Variants in POLR3B observed in about 807,000 individuals in gnomAD.
The protein encoded by POLR3B is DNA-directed RNA polymerase III subunit RPC2.
Under a neutral mutation model 147.4 loss-of-function variants are expected in POLR3B, and 96 were observed. The ratio of observed to expected loss-of-function variants is 0.65; its 90% CI spans 0.55 to 0.77. The LOEUF is 0.77. POLR3B is among the 30% of genes least tolerant of loss of function. The pLI is 0.00. For synonymous variants in POLR3B, 461 were observed against 485.9 expected, an observed-to-expected ratio of 0.95 and a Z score of 0.67; for missense variants, 1,036 against 1,413.5, an observed-to-expected ratio of 0.73 and a Z score of 4.28.
At chr12:106,405,579 C>CACACACACACACAA (rs893279246) in intron 10 of POLR3B, among the ~76,000 whole-genome samples, 8 of 145,120 alleles carry the variant, frequency 5.5e-5, no homozygotes, top group Non-Finnish European at 9.1e-5. Context: ...CACACACACA[C>CACACACACACACAA]AAATATATTT....
intron 22 of POLR3B, among the ~76,000 whole-genome samples, chr12:106,462,914 T>G (rs1565904008): frequency 6.6e-6 from 1 of 152,090 alleles, no homozygotes; most frequent in Non-Finnish European, 1.5e-5. Flanking sequence ...GAGCCTCTCC[T>G]GTTCTTCATA....
rs1388870404 is a variant in POLR3B, at chr12:106,358,019, C to T, written c.72+68C>T. On this transcript the variant is annotated intron_variant, in intron 1 of 27. Transcript: ENST00000228347. ...CCCTGAGGGGGCGTTGCCCGGAGTGCTCGGGCCGCCAAGGGGGCGGGCTGG... is the reference window on the plus strand; with the variant it reads ...CCCTGAGGGGGCGTTGCCCGGAGTGTTCGGGCCGCCAAGGGGGCGGGCTGG... 30 of 1,587,222 alleles carry T rather than the reference C, an allele frequency of 1.9e-5. No individual in the cohort carries two copies. In the Admixed American group the frequency reaches 5.0e-4, roughly 26 times the overall value.
intron 10 of POLR3B, among the ~76,000 whole-genome samples, chr12:106,398,340 C>T (rs1405839505): frequency 6.6e-6 from 1 of 152,186 alleles, no homozygotes; most frequent in Non-Finnish European, 1.5e-5. Flanking sequence ...CTGGGAAGCT[C>T]GAACTGGGTG....
At chr12:106,497,813 T>C (rs889788686) in intron 25 of POLR3B, among the ~76,000 whole-genome samples, 1 of 152,220 alleles carries the variant, frequency 6.6e-6, no homozygotes, top group African/African-American at 2.4e-5. Context: ...AACTTCTCAG[T>C]AGGGCCTACT....
intron 23 of POLR3B, among the ~76,000 whole-genome samples, chr12:106,485,170 A>G (rs971415789): frequency 2.0e-5 from 3 of 152,166 alleles, no homozygotes; most frequent in Admixed American, 6.5e-5. Flanking sequence ...CAGCATCTGG[A>G]GAGGATCATC....
intron 10 of POLR3B, among the ~76,000 whole-genome samples, chr12:106,403,796 A>T (rs1433185468): frequency 2.8e-5 from 3 of 108,948 alleles, no homozygotes; most frequent in African/African-American, 3.6e-5. Context: ...AACATCACAC[A>T]CCGGGGACTG....
intron 15 of POLR3B, 151 bp downstream of exon 15, chr12:106,432,631 A>G: frequency 1.3e-6 from 1 of 741,284 alleles, no homozygotes; most frequent in Non-Finnish European, 2.4e-6. Context: ...ATGATAACAG[A>G]AACAGTTACT....
At chr12:106,495,147 A>AT (rs2038460637) in intron 23 of POLR3B, among the ~76,000 whole-genome samples, 1 of 152,188 alleles carries the variant, frequency 6.6e-6, no homozygotes, top group Admixed American at 6.5e-5. Flanking sequence ...AATTATGGAG[A>AT]TTATAGTTAA....
intron 12 of POLR3B, among the ~76,000 whole-genome samples, chr12:106,417,975 A>C (rs1007700045): frequency 6.6e-6 from 1 of 152,218 alleles, no homozygotes; most frequent in African/African-American, 2.4e-5. Context: ...GTAAAGACAT[A>C]AAAGGTATTG....
intron 21 of POLR3B, among the ~76,000 whole-genome samples, chr12:106,458,375 C>T (rs1228709425): frequency 6.6e-6 from 1 of 152,096 alleles, no homozygotes; most frequent in African/African-American, 2.4e-5. Context: ...CCACCCACCT[C>T]GGCTTCCCAA....
chr12:106,473,869 G>A (rs375315349), intron 23 of POLR3B, among the ~76,000 whole-genome samples: 4 of 150,330 alleles, frequency 2.7e-5, no homozygotes, highest in South Asian at 2.1e-4. Context: ...CTTCTCCTGC[G>A]TGATTGCCCT....
intron 12 of POLR3B, among the ~76,000 whole-genome samples, chr12:106,412,341 A>G (rs2037239391): frequency 6.6e-6 from 1 of 152,142 alleles, no homozygotes; most frequent in Admixed American, 6.6e-5. Flanking sequence ...GGGGATTTAG[A>G]TAGAGTTTAA....
intron 12 of POLR3B, among the ~76,000 whole-genome samples, chr12:106,423,206 TC>T (rs1219221089): frequency 2.6e-5 from 4 of 152,134 alleles, no homozygotes; most frequent in Non-Finnish European, 5.9e-5. Context: ...CTCTTTCCCC[TC>T]CCCTTATTCC....
chr12:106,402,883 C>G (rs1260123903), intron 10 of POLR3B, among the ~76,000 whole-genome samples: 3 of 152,176 alleles, frequency 2.0e-5, no homozygotes, highest in Admixed American at 6.5e-5. Context: ...CAATACCATT[C>G]AGGACATAGG....
intron 11 of POLR3B, among the ~76,000 whole-genome samples, chr12:106,406,634 G>A (rs1017936305): frequency 7.9e-5 from 12 of 152,140 alleles, no homozygotes; most frequent in Admixed American, 1.3e-4. Context: ...GATGATTTGC[G>A]TTGTCACCCA....
At chr12:106,376,629 C>CTTTCTTTTTTTTTTT (rs1555208970) in intron 7 of POLR3B, among the ~76,000 whole-genome samples, 179 bp downstream of exon 7, 1 of 147,450 alleles carries the variant, frequency 6.8e-6, no homozygotes, top group South Asian at 2.1e-4. Flanking sequence ...TTCTTTCTTT[C>CTTTCTTTTTTTTTTT]TTTTTTGAGA....
At chr12:106,449,014 A>G (rs1379355514) in intron 19 of POLR3B, among the ~76,000 whole-genome samples, 3 of 152,076 alleles carry the variant, frequency 2.0e-5, no homozygotes, top group African/African-American at 7.2e-5. Flanking sequence ...TCCGTTACTT[A>G]TTACAGGTTG....
intron 9 of POLR3B, among the ~76,000 whole-genome samples, chr12:106,389,416 G>A (rs1455338217): frequency 6.6e-6 from 1 of 152,204 alleles, no homozygotes; most frequent in East Asian, 1.9e-4. Context: ...GAAGGCCTAA[G>A]CAGTCTGTTT....
At chr12:106,402,810 C>A (rs375990078) in intron 10 of POLR3B, among the ~76,000 whole-genome samples, 5 of 151,984 alleles carry the variant, frequency 3.3e-5, no homozygotes, top group Admixed American at 6.6e-5. Context: ...AAATTAATTC[C>A]AGATGGATTA....
Sources: allele counts gnomAD v4.1 joint callset (sites outside exome capture counted in the v4.1 genomes callset), GRCh38; gene constraint gnomAD v4.1.1; transcripts MANE v1.5; gene names NCBI Gene and HGNC (gene_info 2026-07-23, HGNC 2026-07-21).